The following RERE variants were observed in gnomAD, a reference collection of about 807,000 sequenced individuals.
RERE encodes the protein arginine-glutamic acid dipeptide repeats protein.
A neutral mutation model predicts 146.1 loss-of-function variants in RERE; 40 were observed. The ratio of observed to expected loss-of-function variants is 0.27; its 90% CI spans 0.21 to 0.36. The LOEUF is 0.36. Ranked by LOEUF, RERE falls within the 10% of genes least tolerant of loss-of-function variation. RERE has a pLI of 1.00. For missense variants in RERE, 1,933 were observed against 2,138.7 expected (o/e 0.90, Z 1.90); for synonymous variants, 1,003 against 866.0 (o/e 1.16, Z -2.78).
intron 4 of RERE, among the ~76,000 whole-genome samples, chr1:8,607,530 ATTTCT>A (rs1646732565): frequency 5.2e-5 from 3 of 57,598 alleles, no homozygotes; most frequent in South Asian, 4.9e-4. Context: ...TTTTATATAT[ATTTCT>A]TTTTTTTTTT....
chr1:8,576,149 C>T (rs1646291788), intron 4 of RERE, among the ~76,000 whole-genome samples: 2 of 151,582 alleles, frequency 1.3e-5, no homozygotes, highest in South Asian at 4.2e-4. Context: ...GTAAGAAACA[C>T]ACATCCATTA....
At chr1:8,734,929 C>T (rs1048609367) in intron 1 of RERE, among the ~76,000 whole-genome samples, 3 of 152,060 alleles carry the variant, frequency 2.0e-5, no homozygotes, top group Non-Finnish European at 2.9e-5. Context: ...TTTTACTTAC[C>T]GCATCCCTCA....
chr1:8,548,755 C>T (rs1432855203), intron 6 of RERE, among the ~76,000 whole-genome samples: 2 of 152,090 alleles, frequency 1.3e-5, no homozygotes, highest in East Asian at 1.9e-4. Flanking sequence ...GAGGCTGAGG[C>T]GGGTGGATCC....
rs777609303 is a variant in RERE, at chr1:8,360,236, C to T, written c.3271G>A (p.Val1091Ile). 14 of 1,583,272 alleles carry T rather than the reference C, an allele frequency of 8.8e-6. No individual in the cohort carries two copies. Among genetic ancestry groups the T allele is most frequent in the African/African-American group, 2.7e-5 (2 of 74,242 alleles). Residue 1091 changes from valine (V) to isoleucine (I), a missense_variant, in exon 18 of 23, where the codon GTC (valine) becomes ATC (isoleucine). Around this residue, in one of 11 missense-constraint regions of RERE, gnomAD observed 1,255 missense variants for 1,153.8 expected, o/e 1.09. Coordinates refer to ENST00000400908, the MANE Select transcript of RERE (RefSeq NM_001042681.2). ...AGGSSCPLPTVQIKEEALDDA... is the reference protein window; with the variant it reads ...AGGSSCPLPTIQIKEEALDDA... Reference sequence around the variant, plus strand: ...TCCAGAGCCTCCTCCTTGATCTGGACGGTGGGGAGTGGGCAGGACGACCCC... The same window carrying T: ...TCCAGAGCCTCCTCCTTGATCTGGATGGTGGGGAGTGGGCAGGACGACCCC...
At chr1:8,445,951 TCA>T (rs561400220) in intron 11 of RERE, among the ~76,000 whole-genome samples, 3 of 152,066 alleles carry the variant, frequency 2.0e-5, no homozygotes, top group South Asian at 2.1e-4. Context: ...GTGTTAGTTT[TCA>T]CAGTGTCGAC....
chr1:8,366,808 C>A (rs1641818288), intron 12 of RERE, among the ~76,000 whole-genome samples: 1 of 151,790 alleles, frequency 6.6e-6, no homozygotes, highest in African/African-American at 2.4e-5. Context: ...ACTTTGGGCA[C>A]CCCCAGCCCT....
At chr1:8,435,492 G>C (rs1308321030) in intron 11 of RERE, among the ~76,000 whole-genome samples, 2 of 152,130 alleles carry the variant, frequency 1.3e-5, no homozygotes, top group Non-Finnish European at 2.9e-5. Context: ...GCACTGTTAA[G>C]TTTCTAACTC....
intron 1 of RERE, among the ~76,000 whole-genome samples, chr1:8,778,505 T>G (rs1641108636): frequency 6.6e-6 from 1 of 152,216 alleles, no homozygotes; most frequent in African/African-American, 2.4e-5. Context: ...AAGACTTCAT[T>G]TTTTACAGAG....
At chr1:8,791,401 T>C (rs1012865768) in intron 1 of RERE, among the ~76,000 whole-genome samples, 4 of 152,158 alleles carry the variant, frequency 2.6e-5, no homozygotes, top group Admixed American at 1.3e-4. Context: ...TCCAGGAGGG[T>C]AGGGACACAT....
intron 1 of RERE, among the ~76,000 whole-genome samples, chr1:8,758,818 C>T (rs944375873): frequency 6.6e-6 from 1 of 151,168 alleles, no homozygotes; most frequent in Non-Finnish European, 1.5e-5. Flanking sequence ...TATTATATTA[C>T]TGAAAATTGC....
intron 1 of RERE, among the ~76,000 whole-genome samples, chr1:8,789,424 C>T (rs921940441): frequency 2.7e-5 from 4 of 150,268 alleles, no homozygotes; most frequent in African/African-American, 9.8e-5. Flanking sequence ...TCAGCCTAAC[C>T]TACTATCTGA....
rs369815118 is a variant in RERE, at chr1:8,362,791, G to A, written c.1794C>T (p.Arg598=). Residue 598 remains arginine, a synonymous_variant, in exon 16 of 23, where the codon CGC becomes CGT. Coordinates refer to ENST00000400908, the MANE Select transcript of RERE (RefSeq NM_001042681.2). ...GGATGTCTTCATTGATGGGTGAGGT[G>A]CGACCATCAGGGCTGGCTGGCTGCT... ...RKKQPASPDG[R]TSPINEDIRS... is the part of the protein sequence containing the mutation. 6 of 1,614,064 alleles carry A rather than the reference G, an allele frequency of 3.7e-6. No individual in the cohort carries two copies. The African/African-American group carries it at 6.7e-5, about 18-fold the overall frequency.
chr1:8,812,943 T>TA lies in RERE; in HGVS notation c.-145+4216dup, dbSNP rs898887859. On this transcript the variant is annotated intron_variant, in intron 1 of 22. Coordinates refer to ENST00000400908, the MANE Select transcript of RERE (RefSeq NM_001042681.2). The stretch of plus-strand genomic sequence containing the variant: ...AAATGCTCATTTCTCCTCCATTATT[T>TA]AAAAAAAAAACACACACACACACAA... Among the ~76,000 whole-genome samples, 26 of 149,666 alleles carry TA rather than the reference T, an allele frequency of 1.7e-4. 1 individual carries two copies. The South Asian group carries it at 1.9e-3, about 11-fold the overall frequency.
At chr1:8,464,432 G>A (rs1160142675) in intron 11 of RERE, among the ~76,000 whole-genome samples, 1 of 152,120 alleles carries the variant, frequency 6.6e-6, no homozygotes, top group Non-Finnish European at 1.5e-5. Flanking sequence ...CCAGCCTGGT[G>A]TGCAGCAACC....
chr1:8,463,693 T>G (rs943875391), intron 11 of RERE, among the ~76,000 whole-genome samples: 2 of 145,930 alleles, frequency 1.4e-5, no homozygotes, highest in African/African-American at 2.5e-5. Flanking sequence ...GAGGCATGAG[T>G]GAGGAGTGGG....
intron 11 of RERE, among the ~76,000 whole-genome samples, chr1:8,458,439 G>A (rs927818571): frequency 9.9e-5 from 15 of 152,126 alleles, no homozygotes; most frequent in African/African-American, 2.4e-4. Context: ...AAAATATACC[G>A]TCAAAAGTAC....
chr1:8,418,710 A>T (rs1411631745), intron 12 of RERE, among the ~76,000 whole-genome samples: 6 of 152,252 alleles, frequency 3.9e-5, no homozygotes, highest in African/African-American at 1.4e-4. Flanking sequence ...ACTGCAATGT[A>T]TAGACAAATC....
intron 1 of RERE, among the ~76,000 whole-genome samples, chr1:8,764,133 C>T (rs1053729258): frequency 3.3e-5 from 5 of 152,136 alleles, no homozygotes; most frequent in African/African-American, 1.2e-4. Context: ...TCTTCCCTTT[C>T]CCTCATCACT....
At chr1:8,615,518 C>A (rs1013502100) in intron 3 of RERE, among the ~76,000 whole-genome samples, 1 of 152,104 alleles carries the variant, frequency 6.6e-6, no homozygotes, top group Non-Finnish European at 1.5e-5. Flanking sequence ...ATATTTTAGA[C>A]AGCACATAAC....
Sources: allele counts gnomAD v4.1 joint callset (sites outside exome capture counted in the v4.1 genomes callset), GRCh38; gene constraint gnomAD v4.1.1; regional missense constraint gnomAD v4.1.1; transcripts MANE v1.5; gene names NCBI Gene and HGNC (gene_info 2026-07-23, HGNC 2026-07-21).